EXOC4: variants seen among roughly 807,000 people sequenced by gnomAD.
EXOC4 encodes the protein exocyst complex component 4.
In EXOC4, 71 loss-of-function variants were observed where a neutral mutation model predicts 107.2. That is an observed-to-expected ratio of 0.66 (90% confidence interval 0.55 to 0.81). EXOC4 has a LOEUF of 0.81. Among genes scored for constraint, EXOC4 ranks in the 30% least tolerant of loss-of-function variants. The pLI is 0.00. For missense variants in EXOC4, 1,108 were observed against 1,189.6 expected, an observed-to-expected ratio of 0.93 and a Z score of 1.01; for synonymous variants, 456 against 441.2, an observed-to-expected ratio of 1.03 and a Z score of -0.42.
intron 13 of EXOC4, among the ~76,000 whole-genome samples, chr7:133,924,810 T>C (rs988709343): frequency 2.0e-5 from 3 of 152,256 alleles, no homozygotes; most frequent in Non-Finnish European, 4.4e-5. Flanking sequence ...ATCCAATTTA[T>C]TTTGTTCAAC....
At chr7:133,469,633 C>G (rs1030656912) in intron 7 of EXOC4, among the ~76,000 whole-genome samples, 18 of 152,040 alleles carry the variant, frequency 1.2e-4, no homozygotes, top group Non-Finnish European at 2.1e-4. Context: ...CTCATTTAAG[C>G]TATTATAAGG....
chr7:133,807,228 C>G (rs1338220790), intron 10 of EXOC4, among the ~76,000 whole-genome samples: 1 of 151,836 alleles, frequency 6.6e-6, no homozygotes, highest in East Asian at 1.9e-4. Context: ...GTTAATGTTA[C>G]TGCCATTTTT....
In EXOC4 at chr7:133,913,514, T is replaced by A. The variant is rs543122083; in HGVS notation, c.1872-4069T>A. 3.5e-4 allele frequency among the ~76,000 whole-genome samples: 53 copies of A among 152,274 alleles called. 2 individuals are homozygous for A. The South Asian group carries it at 7.0e-3, about 20-fold the overall frequency. ...TGAACCTGGACAGGAAATGACAGAT[T>A]TATTAAGATATTAAGGAGATAGAAT... On this transcript the variant is annotated intron_variant, in intron 12 of 17. Transcript: ENST00000253861.
At chr7:133,717,185 TG>T (rs1167454904) in intron 10 of EXOC4, among the ~76,000 whole-genome samples, 1 of 152,242 alleles carries the variant, frequency 6.6e-6, no homozygotes, top group Non-Finnish European at 1.5e-5. Context: ...AGGTGGCTAC[TG>T]CCAAAGAATA....
In EXOC4 at chr7:133,289,073, A is replaced by G. The variant is rs1308759252; in HGVS notation, c.428A>G (p.Gln143Arg). Residue 143 changes from glutamine (Q) to arginine (R), a missense_variant, in exon 3 of 18, where the codon CAG becomes CGG. Gln to Arg is a conservative substitution (Grantham distance 43). Transcript: ENST00000253861. ...NIKQVPQKLE[Q>R]CMASKHYLSA... ...AAGCAAGTGCCTCAAAAGCTGGAAC[A>G]GTGCATGGCCAGCAAGCACTATCTC... The G allele has an allele frequency of 1.2e-6, 2 of 1,614,102 alleles. No individual in the cohort carries two copies. Among genetic ancestry groups the G allele is most frequent in the South Asian group, 1.1e-5 (1 of 91,076 alleles).
chr7:133,793,564 G>A (rs1365492338), intron 10 of EXOC4, among the ~76,000 whole-genome samples: 3 of 152,136 alleles, frequency 2.0e-5, no homozygotes, highest in Non-Finnish European at 4.4e-5. Context: ...GTAAAACAAG[G>A]CCAGGTGCGG....
intron 11 of EXOC4, among the ~76,000 whole-genome samples, chr7:133,884,137 A>G (rs1159392235): frequency 6.6e-6 from 1 of 152,210 alleles, no homozygotes; most frequent in Non-Finnish European, 1.5e-5. Flanking sequence ...TGTTGTGCCA[A>G]ACCCTTGTTA....
intron 9 of EXOC4, among the ~76,000 whole-genome samples, chr7:133,541,492 A>G (rs1244503794): frequency 6.6e-6 from 1 of 152,092 alleles, no homozygotes; most frequent in Non-Finnish European, 1.5e-5. Flanking sequence ...ATGTTATGTT[A>G]CGTTACATTA....
intron 9 of EXOC4, among the ~76,000 whole-genome samples, chr7:133,558,747 C>A (rs1800751957): frequency 6.6e-6 from 1 of 152,076 alleles, no homozygotes; most frequent in African/African-American, 2.4e-5. Context: ...TCCCGATCAT[C>A]TTAAGATATC....
At chr7:133,513,341 T>G (rs1249268985) in intron 9 of EXOC4, among the ~76,000 whole-genome samples, 11 of 152,172 alleles carry the variant, frequency 7.2e-5, no homozygotes, top group Admixed American at 7.2e-4. Flanking sequence ...GTGCTGGGAT[T>G]ACAGGCACAA....
intron 11 of EXOC4, among the ~76,000 whole-genome samples, chr7:133,850,488 T>C (rs1198126925): frequency 6.6e-6 from 1 of 152,134 alleles, no homozygotes; most frequent in Admixed American, 6.5e-5. Context: ...ATATAGTATA[T>C]AGTATTTCCC....
intron 8 of EXOC4, 72 bp from the exon 9 acceptor site, chr7:133,479,978 G>A: frequency 8.3e-7 from 1 of 1,206,074 alleles, no homozygotes; most frequent in Non-Finnish European, 1.2e-6. Flanking sequence ...GTAGAATAAT[G>A]TGGAATACAG....
intron 11 of EXOC4, among the ~76,000 whole-genome samples, chr7:133,843,143 A>G (rs1372913026): frequency 2.6e-5 from 4 of 151,778 alleles, no homozygotes; most frequent in African/African-American, 7.3e-5. Flanking sequence ...TGCCTTGACT[A>G]TTTGGGCTCT....
At chr7:133,781,949 C>T (rs1335035543) in intron 10 of EXOC4, among the ~76,000 whole-genome samples, 1 of 152,132 alleles carries the variant, frequency 6.6e-6, no homozygotes, top group Non-Finnish European at 1.5e-5. Context: ...CCAATCTCTT[C>T]TAATTTTAAT....
chr7:133,901,336 A>G (rs12707127), intron 12 of EXOC4, among the ~76,000 whole-genome samples: 94,233 of 152,030 alleles, frequency 0.62, 31,632 homozygotes, highest in African/African-American at 0.89. Context: ...CAACAGCATA[A>G]GACTAAGTTG....
chr7:133,810,713 A>G (rs1797205751), intron 10 of EXOC4, among the ~76,000 whole-genome samples: 1 of 151,426 alleles, frequency 6.6e-6, no homozygotes, highest in South Asian at 2.1e-4. Context: ...GCTCACTGCA[A>G]CCTCCGCCTC....
intron 10 of EXOC4, among the ~76,000 whole-genome samples, chr7:133,658,866 A>G (rs1051549872): frequency 2.0e-5 from 3 of 152,206 alleles, no homozygotes; most frequent in Admixed American, 6.5e-5. Flanking sequence ...TACCTGGAAC[A>G]GTGGCTGCAT....
intron 10 of EXOC4, among the ~76,000 whole-genome samples, chr7:133,737,909 C>CTTTT (rs10673346): frequency 0.69 from 61,669 of 89,930 alleles, 21,014 homozygotes; most frequent in South Asian, 0.8. Flanking sequence ...ATTTTTCTTT[C>CTTTT]TTTTTTTTTT....
At chr7:133,518,137 C>T (rs1799914072) in intron 9 of EXOC4, among the ~76,000 whole-genome samples, 1 of 151,912 alleles carries the variant, frequency 6.6e-6, no homozygotes, top group East Asian at 1.9e-4. Flanking sequence ...GCAGTCTTCA[C>T]GTTTGGGCTT....
Sources: gnomAD v4.1 joint callset for allele counts (sites outside exome capture counted in the v4.1 genomes callset) on GRCh38, gnomAD v4.1.1 for gene constraint, MANE v1.5 for transcripts, NCBI Gene and HGNC (gene_info 2026-07-23, HGNC 2026-07-21) for gene names.